Variants in SPTY2D1 observed in about 807,000 individuals in gnomAD.
The protein encoded by SPTY2D1 is SPT2 chromatin protein domain containing 1.
Under a neutral mutation model 64.0 loss-of-function variants are expected in SPTY2D1, and 21 were observed. The ratio of observed to expected loss-of-function variants is 0.33; its 90% CI spans 0.23 to 0.47. The LOEUF is 0.47. Among genes scored for constraint, SPTY2D1 ranks in the 20% least tolerant of loss-of-function variants. The pLI, the probability that SPTY2D1 is intolerant of heterozygous loss-of-function variation, is 1.00. For missense variants in SPTY2D1, 724 were observed against 837.2 expected (o/e 0.86, Z 1.67); for synonymous variants, 287 against 286.8 (o/e 1.00, Z -0.01).
At chr11:18,621,106 C>T (rs576596675) in intron 1 of SPTY2D1, among the ~76,000 whole-genome samples, 6 of 151,172 alleles carry the variant, frequency 4.0e-5, no homozygotes, top group African/African-American at 1.2e-4. Context: ...GAGTTCGAGA[C>T]CAGCCTGGTC....
In SPTY2D1 at chr11:18,610,139, TGTC is replaced by T. The variant is rs1854176206; in HGVS notation, c.1965-188_1965-186del. The T allele has an allele frequency of 5.9e-6, 3 of 504,536 alleles. No individual in the cohort carries two copies. The East Asian group carries it at 9.2e-5, about 16-fold the overall frequency. The allele number at this position is 504,536 out of a possible 1,614,324, so 31.3% of individuals were successfully genotyped here. On this transcript the variant is annotated intron_variant, in intron 5 of 5. Transcript: ENST00000336349. ...TTTACCAGGGGCCACAGACTCAAAT[TGTC>T]GTGGGAAAAAGAACTCACACACCAC...
At chr11:18,627,543 G>C (rs796268899) in intron 1 of SPTY2D1, among the ~76,000 whole-genome samples, 2 of 151,970 alleles carry the variant, frequency 1.3e-5, no homozygotes, top group South Asian at 4.1e-4. Flanking sequence ...AGGAGTCCAA[G>C]ACCAGACTGG....
At position 18,612,331 on chromosome 11, in the gene SPTY2D1, A is replaced by G. The variant is rs1238582734; in HGVS notation, c.1869T>C (p.Phe623=). 1.9e-6 allele frequency: 3 copies of G among 1,597,194 alleles called. No homozygotes were observed. The Admixed American group carries it at 5.3e-5, about 28-fold the overall frequency. The stretch of plus-strand genomic sequence containing the variant: ...AGTCTTACTTTTTTCGGTCATAACC[A>G]AAGATTTCTCTAATGTGCTTGGATA... The part of the protein sequence containing the change: ...EEISKHIREI[F]GYDRKKYKDE... The change falls in exon 4 of 6, where the codon TTT becomes TTC. Residue 623 remains phenylalanine (F), a synonymous_variant. Transcript: ENST00000336349. The surrounding 1 kb of genome is among the most constrained non-coding windows in gnomAD (Gnocchi z 4.6).
In SPTY2D1 at chr11:18,612,325, A is replaced by T; in HGVS notation, c.1875T>A (p.Tyr625Ter). The change falls in exon 4 of 6, where the codon TAT becomes TAA. Residue 625 changes from tyrosine to a stop codon, truncating the protein, a stop_gained. Coordinates refer to ENST00000336349, the MANE Select transcript of SPTY2D1 (RefSeq NM_194285.3). LOFTEE classifies it high-confidence loss of function. The surrounding 1 kb of genome is among the most constrained non-coding windows in gnomAD (Gnocchi z 4.6). Reference sequence around the variant, plus strand: ...TTCTTTAGTCTTACTTTTTTCGGTCATAACCAAAGATTTCTCTAATGTGCT... The same window carrying T: ...TTCTTTAGTCTTACTTTTTTCGGTCTTAACCAAAGATTTCTCTAATGTGCT... The part of the protein sequence containing the change: ...ISKHIREIFG[Y>*]DRKKYKDESD... 1 of 1,590,834 alleles carries T rather than the reference A, an allele frequency of 6.3e-7. No individual in the cohort carries two copies. Among genetic ancestry groups the T allele is most frequent in the Non-Finnish European group, 8.5e-7 (1 of 1,172,366 alleles).
Position 18,623,725 on chromosome 11 carries a change from G to A in SPTY2D1, c.61-6736C>T, listed in dbSNP as rs143649203. On this transcript the variant is annotated intron_variant, in intron 1 of 5. Transcript: ENST00000336349. ...GATTTTCCAGCCTGCTGGCCTGCCC[G>A]AGAAATTTCAGACTTGTCAGGCCTC... Among the ~76,000 whole-genome samples, 69 of 152,312 alleles carry A rather than the reference G, an allele frequency of 4.5e-4. No individual in the cohort carries two copies. In the East Asian group the frequency reaches 0.013, roughly 28 times the overall value.
intron 1 of SPTY2D1, among the ~76,000 whole-genome samples, chr11:18,633,529 G>A (rs961102321): frequency 1.1e-4 from 17 of 152,156 alleles, no homozygotes; most frequent in African/African-American, 4.1e-4. Context: ...TGACCAAATG[G>A]GACCTAGATT....
chr11:18,634,300 G>A lies in SPTY2D1; in HGVS notation c.-43C>T, dbSNP rs777023666. 2.5e-6 allele frequency: 4 copies of A among 1,608,628 alleles called. No homozygotes were observed. The Admixed American group carries it at 6.7e-5, about 27-fold the overall frequency. On this transcript the variant is annotated 5_prime_UTR_variant, in exon 1 of 6. Coordinates refer to ENST00000336349, the MANE Select transcript of SPTY2D1 (RefSeq NM_194285.3). ...GAGACTGGGCCAGGCACTCGGAAAGGACTGACAGCGCACCTAACCGAGGCG... is the reference window on the plus strand; with the variant it reads ...GAGACTGGGCCAGGCACTCGGAAAGAACTGACAGCGCACCTAACCGAGGCG...
intron 1 of SPTY2D1, among the ~76,000 whole-genome samples, chr11:18,633,547 A>C (rs140721563): frequency 6.6e-6 from 1 of 152,330 alleles, no homozygotes; most frequent in Non-Finnish European, 1.5e-5. Flanking sequence ...ATTTTAAACA[A>C]AGACTGAAAT....
rs754936790 is a variant in SPTY2D1, at chr11:18,616,897, T to C, written c.153A>G (p.Lys51=). 6.2e-7 allele frequency: 1 copy of C among 1,614,188 alleles called. No individual in the cohort carries two copies. Among genetic ancestry groups the C allele is most frequent in the Non-Finnish European group, 8.5e-7 (1 of 1,180,036 alleles). ...SAAVQAFLKR[K]EEELRRKALE... ...TACCTTTTCGTCTCAGCTCCTCTTC[T>C]TTCCTTTTAAGAAAAGCTTGTACAG... is the stretch of plus-strand genomic sequence containing the variant. The change falls in exon 2 of 6, where the codon AAA becomes AAG. Residue 51 remains lysine, a synonymous_variant. Transcript: ENST00000336349.
At chr11:18,629,881 TA>T (rs1854558180) in intron 1 of SPTY2D1, among the ~76,000 whole-genome samples, 1 of 152,092 alleles carries the variant, frequency 6.6e-6, no homozygotes, top group Admixed American at 6.6e-5. Context: ...CTTTAAAAAA[TA>T]AAGCTCTGCC....
At chr11:18,617,392 G>A (rs192210928) in intron 1 of SPTY2D1, among the ~76,000 whole-genome samples, 3 of 151,948 alleles carry the variant, frequency 2.0e-5, no homozygotes, top group African/African-American at 7.3e-5. Context: ...TTTGGGAGGC[G>A]GAGGCGGGCG....
At position 18,615,263 on chromosome 11, in the gene SPTY2D1, A is replaced by C. The variant is rs1182479630; in HGVS notation, c.1011T>G (p.Val337=). The C allele has an allele frequency of 6.2e-7, 1 of 1,614,212 alleles. No homozygotes were observed. Among genetic ancestry groups the C allele is most frequent in the South Asian group, 1.1e-5 (1 of 91,086 alleles). ...TSASRTQKSA[V]EHKAKKSLSH... ...ACAGAGATTTTTTGGCTTTGTGCTC[A>C]ACAGCAGATTTCTGAGTCCTGCTAG... Residue 337 remains valine, a synonymous_variant, in exon 3 of 6, where the codon GTT becomes GTG. Coordinates refer to ENST00000336349, the MANE Select transcript of SPTY2D1 (RefSeq NM_194285.3).
intron 1 of SPTY2D1, among the ~76,000 whole-genome samples, chr11:18,624,498 A>G (rs1854465366): frequency 6.6e-6 from 1 of 152,244 alleles, no homozygotes; most frequent in Non-Finnish European, 1.5e-5. Context: ...GATCCACCAC[A>G]GTGAAGCTTG....
chr11:18,612,200 T>C lies in SPTY2D1; in HGVS notation c.1886+114A>G, dbSNP rs1188988392. 2 of 699,518 alleles carry C rather than the reference T, an allele frequency of 2.9e-6. No homozygotes were observed. 43.3% of individuals were successfully genotyped at this position (699,518 alleles called of 1,614,324 possible). A position where few individuals can be genotyped will look rare whatever the true frequency, so the allele number is the denominator to read the frequency against. ...TATTTAAATAACAATCACCCAAGGG[T>C]TCCTAATTAAGAATTGTATTCAGTG... is the stretch of plus-strand genomic sequence containing the variant. On this transcript the variant is annotated intron_variant, in intron 4 of 5. Transcript: ENST00000336349. This position sits in a 1 kb window ranked among gnomAD's most constrained non-coding sequence, Gnocchi z 4.6.
Position 18,614,696 on chromosome 11 carries a change from GCTA to G in SPTY2D1, c.1575_1577del (p.Ser527del), listed in dbSNP as rs779818474. On this transcript the variant is annotated inframe_deletion, in exon 3 of 6. Transcript: ENST00000336349. The stretch of plus-strand genomic sequence containing the variant: ...ACTTAGGCTTTATAGTGGGACCTGA[GCTA>G]CTAACTGTTTGCCCAGGTCCCAAGC... The G allele has an allele frequency of 6.2e-7, 1 of 1,614,256 alleles. No homozygotes were observed. Among genetic ancestry groups the G allele is most frequent in the South Asian group, 1.1e-5 (1 of 91,080 alleles).
At chr11:18,610,344 A>C (rs1282160309) in intron 5 of SPTY2D1, 1 of 168,538 alleles carries the variant, frequency 5.9e-6, no homozygotes, top group African/African-American at 2.4e-5. Flanking sequence ...TTCTGGCTTG[A>C]GACTGAAGTG....
intron 1 of SPTY2D1, among the ~76,000 whole-genome samples, chr11:18,622,722 C>T (rs908881265): frequency 2.6e-5 from 4 of 151,940 alleles, no homozygotes; most frequent in Non-Finnish European, 4.4e-5. Flanking sequence ...GAGGCTGAGG[C>T]GGGCAGATCA....
At position 18,615,638 on chromosome 11, in the gene SPTY2D1, A is replaced by G. The variant is rs751328355; in HGVS notation, c.636T>C (p.His212=). The stretch of plus-strand genomic sequence containing the variant: ...CATCTGTCTCAAGTTTTTTTCTCCT[A>G]TGCTTTCGTTCAAGGAATTCTCGCT... ...LREREFLERK[H]RRKKLETDGK... Residue 212 remains histidine, a synonymous_variant, in exon 3 of 6, where the codon CAT becomes CAC. Coordinates refer to ENST00000336349, the MANE Select transcript of SPTY2D1 (RefSeq NM_194285.3). The G allele has an allele frequency of 1.2e-6, 2 of 1,614,016 alleles. No homozygotes were observed. The highest frequency in any genetic ancestry group is 2.2e-5 in the East Asian group (1 of 44,872).
At chr11:18,613,586 A>C (rs1326507478) in intron 3 of SPTY2D1, among the ~76,000 whole-genome samples, 12 of 152,190 alleles carry the variant, frequency 7.9e-5, no homozygotes, top group Admixed American at 7.9e-4. Context: ...ACGATTGCCA[A>C]AAGTCCCCTG....
Sources: allele counts gnomAD v4.1 joint callset (sites outside exome capture counted in the v4.1 genomes callset), GRCh38; gene constraint gnomAD v4.1.1; non-coding constraint Gnocchi (gnomAD v3.1); transcripts MANE v1.5; gene names NCBI Gene and HGNC (gene_info 2026-07-23, HGNC 2026-07-21).